AGBL1: variants seen among roughly 807,000 people sequenced by gnomAD.
AGBL1 encodes AGBL carboxypeptidase 1, also known as cytosolic carboxypeptidase 4.
AGBL1 carries 130 observed loss-of-function variants against 118.9 expected under a neutral mutation model. The ratio of observed to expected loss-of-function variants is 1.09; its 90% CI spans 0.95 to 1.26. AGBL1 has a LOEUF of 1.26. Among genes scored for constraint, AGBL1 ranks in the 50% most tolerant of loss-of-function variants. AGBL1 has a pLI of 0.00. For synonymous variants in AGBL1, 555 were observed against 478.9 expected, an observed-to-expected ratio of 1.16 and a Z score of -2.08; for missense variants, 1,584 against 1,298.1, an observed-to-expected ratio of 1.22 and a Z score of -3.38.
At chr15:86,554,732 C>G (rs920480254) in intron 21 of AGBL1, among the ~76,000 whole-genome samples, 195 bp downstream of exon 21, 1 of 152,182 alleles carries the variant, frequency 6.6e-6, no homozygotes, top group African/African-American at 2.4e-5. Flanking sequence ...GGAAGCAATG[C>G]GTGCATGCTT....
At chr15:86,119,448 C>G (rs1897958138) in intron 1 of AGBL1, among the ~76,000 whole-genome samples, 1 of 151,966 alleles carries the variant, frequency 6.6e-6, no homozygotes, top group Non-Finnish European at 1.5e-5. Flanking sequence ...CCAACGGTTG[C>G]TGAGTTCAGC....
chr15:87,009,265 C>T (rs1015054636), intron 24 of AGBL1, among the ~76,000 whole-genome samples: 1 of 152,104 alleles, frequency 6.6e-6, no homozygotes, highest in African/African-American at 2.4e-5. Context: ...CCAGCCATGA[C>T]TAAAAGGGGC....
chr15:86,584,812 G>A (rs898669165), intron 21 of AGBL1, among the ~76,000 whole-genome samples: 2 of 152,154 alleles, frequency 1.3e-5, no homozygotes, highest in African/African-American at 4.8e-5. Context: ...TCCAATCCAT[G>A]AGTATGGAAT....
At chr15:86,893,842 A>T (rs1259298490) in intron 22 of AGBL1, among the ~76,000 whole-genome samples, 1 of 152,192 alleles carries the variant, frequency 6.6e-6, no homozygotes, top group Non-Finnish European at 1.5e-5. Flanking sequence ...CAAGAAGAAG[A>T]GGTTTTATGC....
chr15:86,809,441 G>A (rs1246489646), intron 22 of AGBL1, among the ~76,000 whole-genome samples: 2 of 152,036 alleles, frequency 1.3e-5, no homozygotes. Context: ...TCCATAACCA[G>A]GATTCTTTTT....
At chr15:86,815,902 C>A (rs890505664) in intron 22 of AGBL1, among the ~76,000 whole-genome samples, 1 of 152,004 alleles carries the variant, frequency 6.6e-6, no homozygotes, top group African/African-American at 2.4e-5. Flanking sequence ...ATAAAGGATG[C>A]TTTGGGGAAG....
At chr15:86,774,712 A>G (rs529378271) in intron 22 of AGBL1, among the ~76,000 whole-genome samples, 1 of 152,146 alleles carries the variant, frequency 6.6e-6, no homozygotes, top group African/African-American at 2.4e-5. Flanking sequence ...TATATTGAGG[A>G]AAACAAAGTA....
In AGBL1 at chr15:86,279,749, C is replaced by A. The variant is rs2079318479; in HGVS notation, c.2186C>A (p.Ala729Asp). 5 of 1,613,824 alleles carry A rather than the reference C, an allele frequency of 3.1e-6. No homozygotes were observed. The highest frequency in any genetic ancestry group is 4.2e-6 in the Non-Finnish European group (5 of 1,179,778). ...FPHSEDVCYL[A>D]YHYPYTYTAL... ...CACAGTGAGGATGTCTGCTACCTGGCCTACCACTATCCCTATACCTACACA... is the reference window on the plus strand; with the variant it reads ...CACAGTGAGGATGTCTGCTACCTGGACTACCACTATCCCTATACCTACACA... The change falls in exon 16 of 23, where the codon GCC becomes GAC. Residue 729 changes from alanine (A) to aspartate (D), a missense_variant. Coordinates refer to ENST00000614907, the MANE Select transcript of AGBL1 (RefSeq NM_001386094.1).
chr15:86,550,486 TAA>T (rs1439745631), intron 20 of AGBL1, among the ~76,000 whole-genome samples: 1 of 152,012 alleles, frequency 6.6e-6, no homozygotes, highest in African/African-American at 2.4e-5. Context: ...TATATTGACA[TAA>T]GACAAAATAT....
At chr15:86,127,636 T>C (rs1414397776) in intron 1 of AGBL1, among the ~76,000 whole-genome samples, 1 of 152,230 alleles carries the variant, frequency 6.6e-6, no homozygotes, top group African/African-American at 2.4e-5. Context: ...AAGCTATCTA[T>C]CTTCCAGAGC....
In AGBL1 at chr15:86,572,374, G is replaced by C. The variant is rs537226088; in HGVS notation, c.2994+17837G>C. 6.6e-5 allele frequency among the ~76,000 whole-genome samples: 10 copies of C among 152,322 alleles called. No individual in the cohort carries two copies. In the South Asian group the frequency reaches 2.1e-3, roughly 32 times the overall value. ...CCCAGACCACACCTCCTTGCAGTCT[G>C]GGGTGGGGGCTCCAGGTCCTCGCTG... is the stretch of plus-strand genomic sequence containing the variant. On this transcript the variant is annotated intron_variant, in intron 21 of 22. Coordinates refer to ENST00000614907, the MANE Select transcript of AGBL1 (RefSeq NM_001386094.1).
At chr15:86,546,226 T>G in intron 20 of AGBL1, 93 bp downstream of exon 20, 1 of 1,319,688 alleles carries the variant, frequency 7.6e-7, no homozygotes, top group Non-Finnish European at 9.9e-7. Context: ...ATTTAGTTTT[T>G]TTTTTTTTTT....
intron 24 of AGBL1, among the ~76,000 whole-genome samples, chr15:87,012,590 A>G (rs1433353516): frequency 6.6e-6 from 1 of 152,118 alleles, no homozygotes; most frequent in Non-Finnish European, 1.5e-5. Context: ...GGAAAGGAAT[A>G]CTGAGTGTGT....
At chr15:86,115,679 T>C (rs1284965517) in intron 1 of AGBL1, among the ~76,000 whole-genome samples, 1 of 152,218 alleles carries the variant, frequency 6.6e-6, no homozygotes, top group Non-Finnish European at 1.5e-5. Flanking sequence ...GTCTGACTTG[T>C]CAGCACTGGA....
intron 24 of AGBL1, among the ~76,000 whole-genome samples, chr15:86,988,786 A>G (rs887690565): frequency 3.3e-5 from 5 of 152,174 alleles, no homozygotes; most frequent in African/African-American, 1.2e-4. Context: ...CATTTTGATG[A>G]TTAATTTTAG....
At chr15:86,395,668 T>G (rs1364150429) in intron 17 of AGBL1, among the ~76,000 whole-genome samples, 1 of 152,042 alleles carries the variant, frequency 6.6e-6, no homozygotes, top group Non-Finnish European at 1.5e-5. Context: ...GGAGCTGAAG[T>G]AACCTGTTTT....
chr15:86,753,128 C>G (rs577634096), intron 22 of AGBL1, among the ~76,000 whole-genome samples: 7 of 152,002 alleles, frequency 4.6e-5, no homozygotes, highest in African/African-American at 1.7e-4. Flanking sequence ...CAGAGACAAA[C>G]GCATGTAGAG....
chr15:86,882,602 G>C (rs1210954867), intron 22 of AGBL1, among the ~76,000 whole-genome samples: 1 of 152,112 alleles, frequency 6.6e-6, no homozygotes, highest in East Asian at 1.9e-4. Context: ...GAAAATTAAA[G>C]TAAAAGTGCA....
intron 22 of AGBL1, among the ~76,000 whole-genome samples, chr15:86,859,671 G>A (rs2079533770): frequency 6.6e-6 from 1 of 152,168 alleles, no homozygotes; most frequent in Non-Finnish European, 1.5e-5. Context: ...ACCAGCTGCA[G>A]CAGGTCTGGA....
Sources: gnomAD v4.1 joint callset for allele counts (sites outside exome capture counted in the v4.1 genomes callset) on GRCh38, gnomAD v4.1.1 for gene constraint, MANE v1.5 for transcripts, NCBI Gene and HGNC (gene_info 2026-07-23, HGNC 2026-07-21) for gene names.